The following INPP5B variants were observed in gnomAD, a reference collection of about 807,000 sequenced individuals.
INPP5B encodes inositol polyphosphate-5-phosphatase B, also known as type II inositol 1,4,5-trisphosphate 5-phosphatase.
In INPP5B, 90 loss-of-function variants were observed where a neutral mutation model predicts 118.5. The ratio of observed to expected loss-of-function variants is 0.76; its 90% confidence interval spans 0.64 to 0.90. The LOEUF is 0.90. Among genes scored for constraint, INPP5B ranks in the 40% least tolerant of loss-of-function variants. INPP5B has a pLI of 0.00. For synonymous variants in INPP5B, 385 were observed against 418.9 expected (o/e 0.92, Z 0.99); for missense variants, 984 against 1,125.6 (o/e 0.87, Z 1.80).
At chr1:37,941,952 A>ATATATATATATATATATATATATAT (rs1645936376) in intron 5 of INPP5B, 1 of 30,510 alleles carries the variant, frequency 3.3e-5, no homozygotes, top group African/African-American at 1.4e-4. Flanking sequence ...AAAAAAAAAA[A>ATATATATATATATATATATATATAT]AAAAAAATAT....
chr1:37,886,854 C>T (rs1643570169), intron 12 of INPP5B, 34 bp downstream of exon 12: 2 of 1,529,784 alleles, frequency 1.3e-6, no homozygotes, highest in Non-Finnish European at 1.8e-6. Flanking sequence ...AGCTAAGGTC[C>T]TCAATGTGCC....
At chr1:37,868,842 C>T (rs1199815718) in intron 19 of INPP5B, among the ~76,000 whole-genome samples, 1 of 152,168 alleles carries the variant, frequency 6.6e-6, no homozygotes, top group African/African-American at 2.4e-5. Flanking sequence ...GTCAAATATG[C>T]ACCATCTTTT....
intron 6 of INPP5B, among the ~76,000 whole-genome samples, chr1:37,938,263 T>C (rs1645775350): frequency 9.4e-6 from 1 of 106,900 alleles, no homozygotes; most frequent in African/African-American, 4.1e-5. Flanking sequence ...GGCGAGACTC[T>C]GTCTCAAAAA....
In INPP5B at chr1:37,865,620, A is replaced by G. The variant is rs186262482; in HGVS notation, c.2514+141T>C. ...TGATGCCATTAAAAGAAACAAAGAC[A>G]TAAGAGAAAGAGCAGGTTTGAGAAG... On this transcript the variant is annotated intron_variant, in intron 22 of 23. Transcript: ENST00000373024. 2.0e-3 allele frequency: 1,776 copies of G among 894,604 alleles called. 5 individuals carry two copies. Among genetic ancestry groups the G allele is most frequent in the Non-Finnish European group, 2.5e-3 (1,534 of 603,786 alleles). The allele number at this position is 894,604 out of a possible 1,614,324, so 55.4% of individuals were successfully genotyped here. A position where few individuals can be genotyped will look rare whatever the true frequency, so the allele number is the denominator to read the frequency against.
chr1:37,898,722 T>C (rs1644219416), intron 7 of INPP5B, among the ~76,000 whole-genome samples: 1 of 150,970 alleles, frequency 6.6e-6, no homozygotes, highest in Non-Finnish European at 1.5e-5. Context: ...AACCTTAATG[T>C]ATACAAAATT....
At chr1:37,891,224 T>C (rs1643825898) in intron 8 of INPP5B, 134 bp downstream of exon 8, 8 of 506,916 alleles carry the variant, frequency 1.6e-5, no homozygotes, top group Non-Finnish European at 2.5e-5. Context: ...CGAAACTCTG[T>C]CTCAAAAAAA....
rs774299052 is a variant in INPP5B at position 37,862,437 on chromosome 1, G to GA, written c.2627-8dup. 27 of 1,562,702 alleles carry GA rather than the reference G, an allele frequency of 1.7e-5. No individual in the cohort carries two copies. In the South Asian group the frequency reaches 3.0e-4, roughly 17 times the overall value. Reference sequence around the variant, plus strand: ...AAGCTGCCAAATATGCTAGCTGCAAGAAAAAACACAGAAAAGAAATGATTC... The same window carrying GA: ...AAGCTGCCAAATATGCTAGCTGCAAGAAAAAAACACAGAAAAGAAATGATTC... On this transcript the variant is annotated splice_region_variant and splice_polypyrimidine_tract_variant and intron_variant, in intron 23 of 23. Transcript: ENST00000373024.
chr1:37,869,409 G>C (rs979476496), intron 19 of INPP5B, among the ~76,000 whole-genome samples: 3 of 149,928 alleles, frequency 2.0e-5, no homozygotes, highest in African/African-American at 7.4e-5. Context: ...CCTCCCAAAG[G>C]GCTGAGATTA....
intron 7 of INPP5B, among the ~76,000 whole-genome samples, chr1:37,901,116 T>C (rs538949042): frequency 3.3e-5 from 5 of 152,318 alleles, no homozygotes; most frequent in African/African-American, 1.2e-4. Context: ...GACCTGATAT[T>C]AAATCTTATA....
At chr1:37,930,913 G>C (rs1645431136) in intron 7 of INPP5B, 1 of 152,682 alleles carries the variant, frequency 6.5e-6, no homozygotes, top group Admixed American at 6.5e-5. Flanking sequence ...CACATAAATG[G>C]AGCCTCACGG....
chr1:37,907,386 C>T lies in INPP5B; in HGVS notation c.533-15932G>A, dbSNP rs1312503087. 2.0e-5 allele frequency among the ~76,000 whole-genome samples: 3 copies of T among 152,178 alleles called. No homozygotes were observed. The highest frequency in any genetic ancestry group is 7.2e-5 in the African/African-American group (3 of 41,444). On this transcript the variant is annotated intron_variant, in intron 7 of 23. Coordinates refer to ENST00000373024, the MANE Select transcript of INPP5B (RefSeq NM_005540.3). The surrounding 1 kb of genome is among the most constrained non-coding windows in gnomAD (Gnocchi z 4.3). Reference sequence around the variant, plus strand: ...CCTCATAGTTAGGCAGGAATATAATCGACCTATTCAGCATGAAGAAGTTAC... The same window carrying T: ...CCTCATAGTTAGGCAGGAATATAATTGACCTATTCAGCATGAAGAAGTTAC...
rs1569963681 is a variant in INPP5B at position 37,868,483 on chromosome 1, T to C, written c.2301+18A>G. ...CAGCCTGGCCTCAATCAGGTCTGAA[T>C]GCTTAAACACAACCTACCTGCTGGA... On this transcript the variant is annotated intron_variant, in intron 20 of 23. Transcript: ENST00000373024. The C allele has an allele frequency of 6.4e-7, 1 of 1,571,276 alleles. No homozygotes were observed. Among genetic ancestry groups the C allele is most frequent in the East Asian group, 2.2e-5 (1 of 44,700 alleles).
intron 6 of INPP5B, 37 bp from the exon 7 acceptor site, chr1:37,932,090 G>C: frequency 6.6e-7 from 1 of 1,526,184 alleles, no homozygotes; most frequent in Non-Finnish European, 8.8e-7. Context: ...TGAGCCACGA[G>C]CTTGAAGAGC....
chr1:37,923,780 T>TC (rs1645133233), intron 7 of INPP5B, among the ~76,000 whole-genome samples: 1 of 83,586 alleles, frequency 1.2e-5, no homozygotes. Flanking sequence ...TAAGTGCAGT[T>TC]CTTTTTTTTT....
At chr1:37,888,113 C>A (rs1643641007) in intron 10 of INPP5B, 130 bp downstream of exon 10, 1 of 523,162 alleles carries the variant, frequency 1.9e-6, no homozygotes, top group Non-Finnish European at 3.2e-6. Context: ...GGAAGAACAT[C>A]AAACAGGGAA....
intron 22 of INPP5B, 123 bp downstream of exon 22, chr1:37,865,638 T>C (rs1641982532): frequency 9.3e-7 from 1 of 1,081,058 alleles, no homozygotes; most frequent in Non-Finnish European, 1.3e-6. Flanking sequence ...AAGAGCAGGT[T>C]TGAGAAGGAA....
At chr1:37,939,427 C>G (rs1251588961) in intron 6 of INPP5B, among the ~76,000 whole-genome samples, 2 of 147,394 alleles carry the variant, frequency 1.4e-5, no homozygotes, top group African/African-American at 4.9e-5. Context: ...AATCATGTTT[C>G]TACTTCCTTT....
At chr1:37,887,530 T>A in intron 10 of INPP5B, 65 bp from the exon 11 acceptor site, 2 of 943,368 alleles carry the variant, frequency 2.1e-6, no homozygotes, top group Middle Eastern at 2.1e-4. Context: ...CATTCTCAGA[T>A]TGGTTTAGGT....
intron 16 of INPP5B, among the ~76,000 whole-genome samples, chr1:37,877,685 T>C (rs1312093426): frequency 1.3e-5 from 2 of 152,224 alleles, no homozygotes; most frequent in Non-Finnish European, 2.9e-5. Flanking sequence ...CTGTGTATAA[T>C]AGCAAAACTT....
Sources: gnomAD v4.1 joint callset for allele counts (sites outside exome capture counted in the v4.1 genomes callset) on GRCh38, gnomAD v4.1.1 for gene constraint, Gnocchi (gnomAD v3.1) non-coding constraint, MANE v1.5 for transcripts, NCBI Gene and HGNC (gene_info 2026-07-23, HGNC 2026-07-21) for gene names.